KDM4C: variants seen among roughly 807,000 people sequenced by gnomAD.
The protein encoded by KDM4C is lysine-specific demethylase 4C.
In KDM4C, 81 loss-of-function variants were observed where a neutral mutation model predicts 129.3. That is an observed-to-expected ratio of 0.63 (90% CI 0.52 to 0.75). The LOEUF is 0.75. Among genes scored for constraint, KDM4C ranks in the 30% least tolerant of loss-of-function variants. The probability of loss-of-function intolerance (pLI) is 0.00; values close to 1 mark genes in which losing one functional copy is unlikely to be tolerated. For missense variants in KDM4C, 1,457 were observed against 1,304.0 expected (o/e 1.12, Z -1.81); for synonymous variants, 573 against 456.1 (o/e 1.26, Z -3.26).
chr9:6,979,880 G>A (rs926101352), intron 8 of KDM4C, among the ~76,000 whole-genome samples: 1 of 152,178 alleles, frequency 6.6e-6, no homozygotes, highest in Admixed American at 6.5e-5. Flanking sequence ...TAGAAGAACT[G>A]TGGTATCATT....
intron 8 of KDM4C, among the ~76,000 whole-genome samples, chr9:6,933,311 T>G (rs1434910792): frequency 6.6e-6 from 1 of 152,204 alleles, no homozygotes; most frequent in African/African-American, 2.4e-5. Flanking sequence ...TGACATATTA[T>G]GCCTAAGGGA....
intron 19 of KDM4C, among the ~76,000 whole-genome samples, chr9:7,142,070 G>T (rs1841800318): frequency 6.6e-6 from 1 of 152,092 alleles, no homozygotes; most frequent in Non-Finnish European, 1.5e-5. Flanking sequence ...TTTAAATTGA[G>T]CATTTATCCC....
At chr9:7,012,870 C>G (rs1822959820) in intron 13 of KDM4C, among the ~76,000 whole-genome samples, 1 of 152,080 alleles carries the variant, frequency 6.6e-6, no homozygotes, top group South Asian at 2.1e-4. Flanking sequence ...AAGATTATGT[C>G]TGTCTTAGAG....
intron 6 of KDM4C, among the ~76,000 whole-genome samples, chr9:6,884,937 C>T (rs1845029827): frequency 6.6e-6 from 1 of 152,152 alleles, no homozygotes; most frequent in African/African-American, 2.4e-5. Context: ...ACACCTGTTC[C>T]ATATTTTTAG....
intron 17 of KDM4C, among the ~76,000 whole-genome samples, chr9:7,054,133 A>G (rs1371629077): frequency 6.6e-6 from 1 of 152,220 alleles, no homozygotes; most frequent in Non-Finnish European, 1.5e-5. Flanking sequence ...TCTGTTCACC[A>G]AAAGAATATG....
intron 19 of KDM4C, among the ~76,000 whole-genome samples, chr9:7,141,092 C>T (rs533816528): frequency 2.0e-5 from 3 of 152,242 alleles, no homozygotes; most frequent in Admixed American, 6.5e-5. Context: ...AGGAGGAAGC[C>T]CCCTTGGACT....
chr9:7,058,667 C>A (rs1831210145), intron 17 of KDM4C, among the ~76,000 whole-genome samples: 2 of 152,100 alleles, frequency 1.3e-5, no homozygotes, highest in South Asian at 2.1e-4. Context: ...TTAAGAAGGT[C>A]CTTGAAATTT....
chr9:6,945,048 C>T (rs1446380935), intron 8 of KDM4C, among the ~76,000 whole-genome samples: 1 of 152,036 alleles, frequency 6.6e-6, no homozygotes, highest in East Asian at 1.9e-4. Flanking sequence ...CATCCAGGGA[C>T]CTTATGTGAT....
rs568177255 is a variant in KDM4C, at chr9:6,922,631, C to T, written c.921+29399C>T. On this transcript the variant is annotated intron_variant, in intron 8 of 21. Coordinates refer to ENST00000381309, the MANE Select transcript of KDM4C (RefSeq NM_015061.6). ...ATGTGGTGGCCCGTGCCTGTAGTCT[C>T]ATCTACCTGGGAGACTGAGGTGGGA... 3.9e-5 allele frequency among the ~76,000 whole-genome samples: 6 copies of T among 152,362 alleles called. No homozygotes were observed. The South Asian group carries it at 1.0e-3, about 26-fold the overall frequency.
chr9:6,805,599 G>A lies in KDM4C; in HGVS notation c.145G>A (p.Val49Met), dbSNP rs747908285. ...KGAHRAGLAK[V>M]IPPKEWKPRQ... ...TTTTATTTCATTATTTTATTTTTAG[G>A]TGATTCCTCCTAAGGAGTGGAAGCC... Residue 49 changes from valine to methionine, a missense_variant and splice_region_variant, in exon 3 of 22, where the codon GTG becomes ATG. Val to Met is a conservative substitution (Grantham distance 21). Coordinates refer to ENST00000381309, the MANE Select transcript of KDM4C (RefSeq NM_015061.6). The A allele has an allele frequency of 1.3e-6, 2 of 1,588,256 alleles. No homozygotes were observed. Among genetic ancestry groups the A allele is most frequent in the Admixed American group, 1.8e-5 (1 of 54,654 alleles).
At chr9:6,735,738 G>A (rs1286753914) in intron 1 of KDM4C, among the ~76,000 whole-genome samples, 2 of 152,166 alleles carry the variant, frequency 1.3e-5, no homozygotes, top group Admixed American at 6.5e-5. Flanking sequence ...TTTATCAGCA[G>A]CGTGAAAATG....
intron 17 of KDM4C, among the ~76,000 whole-genome samples, chr9:7,052,497 G>A (rs941607411): frequency 5.9e-5 from 9 of 152,140 alleles, no homozygotes; most frequent in African/African-American, 2.2e-4. Flanking sequence ...GCCTTTCCAC[G>A]GTTTCTCCTT....
intron 1 of KDM4C, among the ~76,000 whole-genome samples, chr9:6,773,630 G>C (rs1485282641): frequency 1.3e-5 from 2 of 152,050 alleles, no homozygotes; most frequent in African/African-American, 2.4e-5. Context: ...AATTAGCTGG[G>C]TGTGTTAGCG....
At chr9:6,961,577 T>A (rs1419735499) in intron 8 of KDM4C, among the ~76,000 whole-genome samples, 1 of 152,240 alleles carries the variant, frequency 6.6e-6, no homozygotes, top group East Asian at 1.9e-4. Context: ...ATTAGTAAGG[T>A]ATAAATTGTC....
intron 18 of KDM4C, among the ~76,000 whole-genome samples, chr9:7,107,732 C>G (rs185036657): frequency 2.0e-5 from 3 of 152,216 alleles, no homozygotes; most frequent in Non-Finnish European, 4.4e-5. Context: ...AGACAGATAC[C>G]TATTTAAAAG....
At chr9:6,786,203 G>A (rs991340220) in intron 1 of KDM4C, among the ~76,000 whole-genome samples, 2 of 152,116 alleles carry the variant, frequency 1.3e-5, no homozygotes, top group Non-Finnish European at 1.5e-5. Context: ...ACATTTGGCC[G>A]GAAAGCATCA....
At chr9:6,860,302 A>T (rs1352537945) in intron 5 of KDM4C, among the ~76,000 whole-genome samples, 1 of 152,182 alleles carries the variant, frequency 6.6e-6, no homozygotes, top group African/African-American at 2.4e-5. Flanking sequence ...ACATTCTTGA[A>T]GTCAGAAAGA....
At chr9:6,817,195 G>GT (rs1832262941) in intron 4 of KDM4C, among the ~76,000 whole-genome samples, 1 of 53,252 alleles carries the variant, frequency 1.9e-5, no homozygotes, top group Non-Finnish European at 3.2e-5. Context: ...CCCTCCCCCT[G>GT]CCCCCCCCCC....
At chr9:6,995,466 A>G (rs116736629) in intron 12 of KDM4C, among the ~76,000 whole-genome samples, 1,844 of 152,308 alleles carry the variant, frequency 0.012, 36 homozygotes, top group African/African-American at 0.042. Flanking sequence ...CAAGGGAAGC[A>G]TGGTCATGGT....
Sources: allele counts gnomAD v4.1 joint callset (sites outside exome capture counted in the v4.1 genomes callset), GRCh38; gene constraint gnomAD v4.1.1; transcripts MANE v1.5; gene names NCBI Gene and HGNC (gene_info 2026-07-23, HGNC 2026-07-21).